C19orf44: variants seen among roughly 807,000 people sequenced by gnomAD.
The protein encoded by C19orf44 is chromosome 19 open reading frame 44.
Under a neutral mutation model 50.7 loss-of-function variants are expected in C19orf44, and 43 were observed. The ratio of observed to expected loss-of-function variants is 0.85; its 90% confidence interval spans 0.66 to 1.09. The LOEUF (loss-of-function observed/expected upper bound fraction) is 1.09, where lower values mean the gene tolerates loss of function less well. Ranked by LOEUF, C19orf44 falls within the 50% of genes least tolerant of loss-of-function variation. The pLI is 0.00. For missense variants in C19orf44, 722 were observed against 836.2 expected (o/e 0.86, Z 1.68); for synonymous variants, 298 against 334.7 (o/e 0.89, Z 1.20).
chr19:16,502,998 AC>A (rs1163521308), intron 2 of C19orf44, 66 bp from the exon 3 acceptor site: 15 of 1,459,978 alleles, frequency 1.0e-5, no homozygotes, highest in Admixed American at 6.6e-5. Context: ...AAAAAAAAAA[AC>A]AAAAAACAAA....
chr19:16,514,365 C>T lies in C19orf44; in HGVS notation c.1736-132C>T, dbSNP rs1305026971. Reference sequence around the variant, plus strand: ...CACCGCTGTACTCCAGCCTGGGTGGCAGAGCGAGACCCTGTCTCCAGAAAA... The same window carrying T: ...CACCGCTGTACTCCAGCCTGGGTGGTAGAGCGAGACCCTGTCTCCAGAAAA... On this transcript the variant is annotated intron_variant, in intron 6 of 8. Coordinates refer to ENST00000221671, the MANE Select transcript of C19orf44 (RefSeq NM_032207.4). The T allele has an allele frequency of 1.5e-5, 14 of 939,262 alleles. No individual in the cohort carries two copies. In the Admixed American group the frequency reaches 3.9e-4, roughly 26 times the overall value. The allele number at this position is 939,262 out of a possible 1,614,324, so 58.2% of individuals were successfully genotyped here.
chr19:16,498,176 C>T (rs999084101), intron 1 of C19orf44, among the ~76,000 whole-genome samples: 3 of 152,182 alleles, frequency 2.0e-5, no homozygotes, highest in African/African-American at 7.2e-5. Context: ...GGAGTGGAAT[C>T]CCTGGATCAC....
At position 16,519,325 on chromosome 19, in the gene C19orf44, G is replaced by C; in HGVS notation, c.*41-769G>C. The C allele has an allele frequency of 6.2e-7, 1 of 1,612,990 alleles. No homozygotes were observed. Among genetic ancestry groups the C allele is most frequent in the Non-Finnish European group, 8.5e-7 (1 of 1,179,878 alleles). The stretch of plus-strand genomic sequence containing the variant: ...GGGGTCCTGGATCCCTTGCTCCTTC[G>C]CACCGAGGCCGCCTGAGCCGCTCCA... On this transcript the variant is annotated intron_variant, in intron 8 of 8. Coordinates refer to ENST00000221671, the MANE Select transcript of C19orf44 (RefSeq NM_032207.4). The surrounding 1 kb of genome is among the most constrained non-coding windows in gnomAD (Gnocchi z 6.0).
Position 16,503,387 on chromosome 19 carries a change from C to G in C19orf44, c.1075+7C>G, listed in dbSNP as rs931464844. 1 of 1,602,778 alleles carries G rather than the reference C, an allele frequency of 6.2e-7. No homozygotes were observed. Among genetic ancestry groups the G allele is most frequent in the African/African-American group, 1.3e-5 (1 of 74,676 alleles). On this transcript the variant is annotated splice_region_variant and intron_variant, in intron 3 of 8. Transcript: ENST00000221671. Reference sequence around the variant, plus strand: ...GCTGATGACAGCCTCGACGGTAATCCCAGTCCCGGTGCAAAGCCAGTACCT... The same window carrying G: ...GCTGATGACAGCCTCGACGGTAATCGCAGTCCCGGTGCAAAGCCAGTACCT...
rs372159269 is a variant in C19orf44, at chr19:16,514,504, C to T, written c.1743C>T (p.Thr581=). ...AACGCGGAGCTGGGTCAGCCCTGACCGCTTACAGCCCGGCCGTGCTGGCAC... is the reference window on the plus strand; with the variant it reads ...AACGCGGAGCTGGGTCAGCCCTGACTGCTTACAGCCCGGCCGTGCTGGCAC... ...VISADAIEAL[T]AYSPAVLALH... The change falls in exon 7 of 9, where the codon ACC becomes ACT. Residue 581 remains threonine (T), a synonymous_variant. Transcript: ENST00000221671. 28 of 1,610,020 alleles carry T rather than the reference C, an allele frequency of 1.7e-5. No individual in the cohort carries two copies. The East Asian group carries it at 1.8e-4, about 10-fold the overall frequency.
In C19orf44 at chr19:16,520,228, G is replaced by A. The variant is rs541441224; in HGVS notation, c.*175G>A. On this transcript the variant is annotated 3_prime_UTR_variant, in exon 9 of 9. Transcript: ENST00000221671. The surrounding 1 kb of genome is among the most constrained non-coding windows in gnomAD (Gnocchi z 4.0). ...TTGGACCGGGACCGCGACTGGGACC[G>A]GGAGCGGCTTCTGGAGGAGCGCGAC... The A allele has an allele frequency of 9.3e-6, 15 of 1,613,508 alleles. No homozygotes were observed. Among genetic ancestry groups the A allele is most frequent in the South Asian group, 4.4e-5 (4 of 91,070 alleles).
chr19:16,520,306 T>C lies in C19orf44; in HGVS notation c.*253T>C, dbSNP rs2085598749. Reference sequence around the variant, plus strand: ...CCCAAGGGTCAGCAGCAGCCAGGCGTCGTGGGGAGGCCACAGGAAGAGGCC... The same window carrying C: ...CCCAAGGGTCAGCAGCAGCCAGGCGCCGTGGGGAGGCCACAGGAAGAGGCC... On this transcript the variant is annotated 3_prime_UTR_variant, in exon 9 of 9. Transcript: ENST00000221671. This position sits in a 1 kb window ranked among gnomAD's most constrained non-coding sequence, Gnocchi z 4.0. The C allele has an allele frequency of 1.2e-6, 2 of 1,610,864 alleles. No homozygotes were observed. The highest frequency in any genetic ancestry group is 1.7e-5 in the Admixed American group (1 of 59,866).
chr19:16,505,824 G>A (rs1445965968), intron 3 of C19orf44, among the ~76,000 whole-genome samples: 1 of 152,042 alleles, frequency 6.6e-6, no homozygotes, highest in African/African-American at 2.4e-5. Flanking sequence ...TGGGACTACA[G>A]GCACGTGCCA....
At chr19:16,505,025 G>C (rs1348368849) in intron 3 of C19orf44, among the ~76,000 whole-genome samples, 1 of 151,770 alleles carries the variant, frequency 6.6e-6, no homozygotes, top group Non-Finnish European at 1.5e-5. Context: ...CACCATGTTG[G>C]CCAGGATGGT....
At chr19:16,515,786 T>C (rs1040241761) in intron 7 of C19orf44, among the ~76,000 whole-genome samples, 1 of 151,466 alleles carries the variant, frequency 6.6e-6, no homozygotes, top group Non-Finnish European at 1.5e-5. Flanking sequence ...TTTATGGTGA[T>C]CTATTCATAA....
chr19:16,508,867 C>T (rs776531001), intron 4 of C19orf44, among the ~76,000 whole-genome samples: 80 of 151,688 alleles, frequency 5.3e-4, no homozygotes, highest in Non-Finnish European at 1.5e-5. Context: ...GTTGCCCAGG[C>T]CGGAGTGCAA....
rs2085547177 is a variant in C19orf44, at chr19:16,517,333, TAAC to T, written c.*35_*37del. 1 of 1,594,876 alleles carries T rather than the reference TAAC, an allele frequency of 6.3e-7. No individual in the cohort carries two copies. Among genetic ancestry groups the T allele is most frequent in the African/African-American group, 1.3e-5 (1 of 74,542 alleles). Reference sequence around the variant, plus strand: ...GCAGGTGGAGCTTGACGTGACGTCTTAACAAAAGGTATCCCGTCCTGTGTACTC... The same window carrying T: ...GCAGGTGGAGCTTGACGTGACGTCTTAAAAGGTATCCCGTCCTGTGTACTC... On this transcript the variant is annotated 3_prime_UTR_variant, in exon 8 of 9. Transcript: ENST00000221671.
rs1445816862 is a variant in C19orf44, at chr19:16,496,451, A to T, written c.-16A>T. 2 of 360,448 alleles carry T rather than the reference A, an allele frequency of 5.5e-6. No individual in the cohort carries two copies. 22.3% of individuals were successfully genotyped at this position (360,448 alleles called of 1,614,324 possible). A position where few individuals can be genotyped will look rare whatever the true frequency, so the allele number is the denominator to read the frequency against. On this transcript the variant is annotated 5_prime_UTR_variant, in exon 1 of 9. Coordinates refer to ENST00000221671, the MANE Select transcript of C19orf44 (RefSeq NM_032207.4). The stretch of plus-strand genomic sequence containing the variant: ...ATGTGGCGGCTGCCTCTGCGAATGG[A>T]CGGCGTGGGAAGAGGTCGGCAGGGC...
At position 16,503,418 on chromosome 19, in the gene C19orf44, A is replaced by G. The variant is rs754110043; in HGVS notation, c.1075+38A>G. 1.9e-6 allele frequency: 3 copies of G among 1,574,700 alleles called. No individual in the cohort carries two copies. The East Asian group carries it at 6.8e-5, about 35-fold the overall frequency. ...CCGGTGCAAAGCCAGTACCTTGGGC[A>G]GGAAGGGTGGGGCCACCTTTAGAGT... On this transcript the variant is annotated intron_variant, in intron 3 of 8. Coordinates refer to ENST00000221671, the MANE Select transcript of C19orf44 (RefSeq NM_032207.4).
Position 16,519,344 on chromosome 19 carries a change from C to T in C19orf44, c.*41-750C>T, listed in dbSNP as rs1235881782. The stretch of plus-strand genomic sequence containing the variant: ...TCCTTCGCACCGAGGCCGCCTGAGC[C>T]GCTCCAGCCTGGAAACAGAGACGCA... On this transcript the variant is annotated intron_variant, in intron 8 of 8. Transcript: ENST00000221671. The surrounding 1 kb of genome is among the most constrained non-coding windows in gnomAD (Gnocchi z 6.0). 5 of 1,610,922 alleles carry T rather than the reference C, an allele frequency of 3.1e-6. No homozygotes were observed. The highest frequency in any genetic ancestry group is 3.4e-6 in the Non-Finnish European group (4 of 1,179,422).
intron 8 of C19orf44, 37 bp downstream of exon 8, chr19:16,517,378 C>T: frequency 7.0e-7 from 1 of 1,421,272 alleles, no homozygotes; most frequent in Non-Finnish European, 9.8e-7. Flanking sequence ...CACACACGCA[C>T]ACAAACATAG....
intron 7 of C19orf44, 58 bp downstream of exon 7, chr19:16,514,721 G>C: frequency 2.1e-6 from 3 of 1,452,686 alleles, no homozygotes; most frequent in Non-Finnish European, 2.7e-6. Context: ...AGCTCCCAGA[G>C]GCCGGGCCGA....
chr19:16,512,917 A>G, intron 5 of C19orf44, 97 bp from the exon 6 acceptor site: 1 of 989,708 alleles, frequency 1.0e-6, no homozygotes, highest in Non-Finnish European at 1.5e-6. Flanking sequence ...AGAGGGAAGA[A>G]CAAGGTCACG....
rs201325317 is a variant in C19orf44, at chr19:16,520,549, G to C, written c.*496G>C. ...GATGATCAGGTGCCCCAGTGGATGG[G>C]CTGCACCCAGCCCACCCTGGCCCTC... is the stretch of plus-strand genomic sequence containing the variant. On this transcript the variant is annotated 3_prime_UTR_variant, in exon 9 of 9. Coordinates refer to ENST00000221671, the MANE Select transcript of C19orf44 (RefSeq NM_032207.4). This position sits in a 1 kb window ranked among gnomAD's most constrained non-coding sequence, Gnocchi z 4.0. 2.7e-4 allele frequency: 433 copies of C among 1,585,636 alleles called. 2 individuals are homozygous for C. In the East Asian group the frequency reaches 8.1e-3, roughly 30 times the overall value.
Sources: gnomAD v4.1 joint callset for allele counts (sites outside exome capture counted in the v4.1 genomes callset) on GRCh38, gnomAD v4.1.1 for gene constraint, Gnocchi (gnomAD v3.1) non-coding constraint, MANE v1.5 for transcripts, NCBI Gene and HGNC (gene_info 2026-07-23, HGNC 2026-07-21) for gene names.